SOAT1: variants seen among roughly 807,000 people sequenced by gnomAD.
SOAT1 encodes acyl-coenzyme A:cholesterol acyltransferase 1.
Under a neutral mutation model 69.5 loss-of-function variants are expected in SOAT1, and 55 were observed. The observed-to-expected ratio is 0.79, with a 90% confidence interval of 0.64 to 0.99. The LOEUF is 0.99. SOAT1 is among the 50% of genes least tolerant of loss of function. The pLI, the probability that SOAT1 is intolerant of heterozygous loss-of-function variation, is 0.00. For missense variants in SOAT1, 580 were observed against 669.3 expected (o/e 0.87, Z 1.47); for synonymous variants, 231 against 224.7 (o/e 1.03, Z -0.25).
At chr1:179,330,165 T>TA (rs763595224) in intron 3 of SOAT1, among the ~76,000 whole-genome samples, 1 of 152,150 alleles carries the variant, frequency 6.6e-6, no homozygotes. Context: ...CTAGGGTTTT[T>TA]ATGGTAAGTT....
At chr1:179,326,920 T>C (rs10913723) in intron 3 of SOAT1, among the ~76,000 whole-genome samples, 29,192 of 152,118 alleles carry the variant, frequency 0.19, 3,001 homozygotes, top group Non-Finnish European at 0.23. Flanking sequence ...AAGTTCAGGA[T>C]GGCATATAGA....
At chr1:179,296,391 A>G (rs1288789940) in intron 1 of SOAT1, among the ~76,000 whole-genome samples, 1 of 152,188 alleles carries the variant, frequency 6.6e-6, no homozygotes, top group East Asian at 1.9e-4. Context: ...ATATGGGAGA[A>G]CTACTGTATT....
intron 8 of SOAT1, 24 bp from the exon 9 acceptor site, chr1:179,342,838 C>CT: frequency 1.3e-6 from 2 of 1,575,806 alleles, no homozygotes; most frequent in Non-Finnish European, 1.7e-6. Flanking sequence ...AGCCTTTGCT[C>CT]TAACTATAGT....
chr1:179,305,134 A>G (rs1664960436), intron 2 of SOAT1, among the ~76,000 whole-genome samples: 1 of 152,148 alleles, frequency 6.6e-6, no homozygotes, highest in Non-Finnish European at 1.5e-5. Flanking sequence ...AACCACTAAT[A>G]TACTTCCTGT....
rs1053548035 is a variant in SOAT1, at chr1:179,339,562, G to A, written c.497+17G>A. ...TGAAGGAAGGTAAGACAACAAAAAA[G>A]ATGGCTGGCTAGTTGATGCATGAGA... On this transcript the variant is annotated intron_variant, in intron 6 of 15. Transcript: ENST00000367619. The A allele has an allele frequency of 6.5e-7, 1 of 1,536,606 alleles. No individual in the cohort carries two copies. The highest frequency in any genetic ancestry group is 8.9e-7 in the Non-Finnish European group (1 of 1,120,048).
chr1:179,333,803 A>ATT (rs1558051137), intron 3 of SOAT1, among the ~76,000 whole-genome samples: 1 of 39,890 alleles, frequency 2.5e-5, no homozygotes, highest in East Asian at 8.5e-3. Flanking sequence ...GTTGCCCTCT[A>ATT]GCCTGGGCAA....
rs182986207 is a variant in SOAT1 at position 179,357,911 on chromosome 1, T to C, written c.*4270T>C. 1.3e-5 allele frequency: 2 copies of C among 151,858 alleles called. No homozygotes were observed. The highest frequency in any genetic ancestry group is 2.9e-5 in the Non-Finnish European group (2 of 67,974). The allele number at this position is 151,858 out of a possible 1,614,324, so 9.4% of individuals were successfully genotyped here. A position where few individuals can be genotyped will look rare whatever the true frequency, so the allele number is the denominator to read the frequency against. On this transcript the variant is annotated 3_prime_UTR_variant, in exon 16 of 16. Coordinates refer to ENST00000367619, the MANE Select transcript of SOAT1 (RefSeq NM_003101.6). ...CCCAGTTCCCTCCATTTCAGAGCCATGGGCAACAGAGCGAGACCCTGTCTC... is the reference window on the plus strand; with the variant it reads ...CCCAGTTCCCTCCATTTCAGAGCCACGGGCAACAGAGCGAGACCCTGTCTC...
At chr1:179,322,340 T>C (rs1450291640) in intron 2 of SOAT1, among the ~76,000 whole-genome samples, 3 of 152,150 alleles carry the variant, frequency 2.0e-5, no homozygotes, top group Non-Finnish European at 4.4e-5. Context: ...TTCTGCCTAG[T>C]TTCCTAGTGT....
chr1:179,338,537 C>T (rs1666233138), intron 5 of SOAT1, among the ~76,000 whole-genome samples: 1 of 152,156 alleles, frequency 6.6e-6, no homozygotes, highest in Admixed American at 6.5e-5. Flanking sequence ...GTTTTCTAAG[C>T]ATGTAATGTG....
intron 3 of SOAT1, among the ~76,000 whole-genome samples, chr1:179,324,644 T>G (rs1332870165): frequency 2.6e-5 from 4 of 152,374 alleles, no homozygotes; most frequent in Non-Finnish European, 4.4e-5. Context: ...ACTACAGTGA[T>G]GAAGATCATT....
intron 6 of SOAT1, 67 bp downstream of exon 6, chr1:179,339,612 G>A: frequency 1.0e-6 from 1 of 998,640 alleles, no homozygotes; most frequent in Non-Finnish European, 1.5e-6. Flanking sequence ...ACTAAATTTT[G>A]GTAAAGGGTA....
At chr1:179,309,309 C>T (rs1665138906) in intron 2 of SOAT1, among the ~76,000 whole-genome samples, 1 of 152,124 alleles carries the variant, frequency 6.6e-6, no homozygotes, top group African/African-American at 2.4e-5. Flanking sequence ...GTCTCGAACT[C>T]CTGACCTAGT....
chr1:179,347,105 T>A (rs927397070), intron 11 of SOAT1, among the ~76,000 whole-genome samples: 1 of 152,062 alleles, frequency 6.6e-6, no homozygotes, highest in Non-Finnish European at 1.5e-5. Context: ...ACGCCTGTAA[T>A]CCTAGCACTT....
In SOAT1 at chr1:179,356,134, A is replaced by G. The variant is rs1666898327; in HGVS notation, c.*2493A>G. ...CTATTTTGCTATTGTGGCGAAAATTATTTTCAGTTATAGGATACTTTTTTC... is the reference window on the plus strand; with the variant it reads ...CTATTTTGCTATTGTGGCGAAAATTGTTTTCAGTTATAGGATACTTTTTTC... On this transcript the variant is annotated 3_prime_UTR_variant, in exon 16 of 16. Coordinates refer to ENST00000367619, the MANE Select transcript of SOAT1 (RefSeq NM_003101.6). 1 of 152,180 alleles carries G rather than the reference A, an allele frequency of 6.6e-6. No individual in the cohort carries two copies. The highest frequency in any genetic ancestry group is 2.4e-5 in the African/African-American group (1 of 41,446). 9.4% of individuals were successfully genotyped at this position (152,180 alleles called of 1,614,324 possible).
In SOAT1 at chr1:179,318,109, C is replaced by G. The variant is rs190865473; in HGVS notation, c.119-5328C>G. On this transcript the variant is annotated intron_variant, in intron 2 of 15. Coordinates refer to ENST00000367619, the MANE Select transcript of SOAT1 (RefSeq NM_003101.6). ...AGCGGGGCGGCTGATGCAGGAGGAT[C>G]ACTTGAGATCAAGTGTTAGAGGCTG... Among the ~76,000 whole-genome samples, 65 of 152,076 alleles carry G rather than the reference C, an allele frequency of 4.3e-4. No homozygotes were observed. The Middle Eastern group carries it at 0.014, about 32-fold the overall frequency.
At chr1:179,322,427 G>T (rs1472039014) in intron 2 of SOAT1, among the ~76,000 whole-genome samples, 1 of 151,292 alleles carries the variant, frequency 6.6e-6, no homozygotes, top group African/African-American at 2.4e-5. Flanking sequence ...CTGTCATCCA[G>T]GCTGGCGTGC....
intron 11 of SOAT1, 41 bp downstream of exon 11, chr1:179,345,117 C>T (rs1271712861): frequency 1.2e-6 from 2 of 1,606,076 alleles, no homozygotes; most frequent in Non-Finnish European, 8.5e-7. Context: ...CATAAATTCA[C>T]GAGGTAAATA....
At chr1:179,346,506 A>G (rs1666539358) in intron 11 of SOAT1, among the ~76,000 whole-genome samples, 1 of 152,196 alleles carries the variant, frequency 6.6e-6, no homozygotes, top group Non-Finnish European at 1.5e-5. Flanking sequence ...TGGAAAGGTC[A>G]TTCTAGGTAG....
chr1:179,298,644 G>A (rs1415701802), intron 1 of SOAT1, among the ~76,000 whole-genome samples: 1 of 151,988 alleles, frequency 6.6e-6, no homozygotes, highest in Non-Finnish European at 1.5e-5. Flanking sequence ...ATGTTTTTTG[G>A]GTAGTTTTAG....
Sources: allele counts gnomAD v4.1 joint callset (sites outside exome capture counted in the v4.1 genomes callset), GRCh38; gene constraint gnomAD v4.1.1; transcripts MANE v1.5; gene names NCBI Gene and HGNC (gene_info 2026-07-23, HGNC 2026-07-21).